The following MORN1 variants were observed in gnomAD, a reference collection of about 807,000 sequenced individuals.
MORN1 encodes the protein MORN repeat containing 1, also known as MORN repeat-containing protein 1.
MORN1 carries 67 observed loss-of-function variants against 61.9 expected under a neutral mutation model. The observed-to-expected ratio is 1.08, with a 90% confidence interval of 0.89 to 1.33. MORN1 has a LOEUF of 1.33. MORN1 is among the 40% of genes most tolerant of loss of function. The probability of loss-of-function intolerance (pLI) is 0.00; values close to 1 mark genes in which losing one functional copy is unlikely to be tolerated. For synonymous variants in MORN1, 301 were observed against 292.0 expected (o/e 1.03, Z -0.31); for missense variants, 752 against 691.2 (o/e 1.09, Z -0.99).
chr1:2,323,965 C>T lies in MORN1; in HGVS notation c.1297+132G>A, dbSNP rs1457537812. ...GGGAGGGCCTGGCTGCTCCCCAGTC[C>T]CCCACCCACTGCCACCTACCTCTGG... On this transcript the variant is annotated intron_variant, in intron 13 of 13. Transcript: ENST00000378531. The T allele has an allele frequency of 6.9e-6, 10 of 1,454,146 alleles. No homozygotes were observed. In the South Asian group the frequency reaches 8.4e-5, roughly 12 times the overall value. The allele number at this position is 1,454,146 out of a possible 1,614,324, so 90.1% of individuals were successfully genotyped here. A position where few individuals can be genotyped will look rare whatever the true frequency, so the allele number is the denominator to read the frequency against.
intron 13 of MORN1, among the ~76,000 whole-genome samples, 164 bp from the exon 14 acceptor site, chr1:2,321,743 G>A (rs1250869107): frequency 2.0e-5 from 3 of 152,146 alleles, no homozygotes; most frequent in African/African-American, 7.2e-5. Context: ...CACAGGACTG[G>A]CCACCGGACC....
chr1:2,324,183 T>C lies in MORN1; in HGVS notation c.1251-40A>G, dbSNP rs199654064. On this transcript the variant is annotated intron_variant, in intron 12 of 13. Transcript: ENST00000378531. The stretch of plus-strand genomic sequence containing the variant: ...CAGTGAGGCCCCTGAATGCCCTGCC[T>C]GGGCCCCGACGACATGGCATCCCTG... 1,939 of 1,564,432 alleles carry C rather than the reference T, an allele frequency of 1.2e-3. 23 individuals carry two copies. In the African/African-American group the frequency reaches 0.023, roughly 18 times the overall value.
At chr1:2,332,543 T>C (rs1420730322) in intron 12 of MORN1, 2 of 451,952 alleles carry the variant, frequency 4.4e-6, no homozygotes, top group South Asian at 1.6e-5. Context: ...TGGGCTTCTA[T>C]GATGGGGGAA....
intron 10 of MORN1, among the ~76,000 whole-genome samples, chr1:2,346,246 G>A (rs1427063151): frequency 1.3e-5 from 2 of 152,180 alleles, no homozygotes; most frequent in East Asian, 3.8e-4. Flanking sequence ...CTTCACAGAC[G>A]CCAGGGTGCC....
chr1:2,321,674 C>T, intron 13 of MORN1, 95 bp from the exon 14 acceptor site: 11 of 1,376,698 alleles, frequency 8.0e-6, no homozygotes, highest in East Asian at 2.9e-5. Flanking sequence ...GCCCGCTGGC[C>T]CCTGTGCCCC....
Position 2,372,194 on chromosome 1 carries a change from AT to A in MORN1, c.745+286del. ...CGCGTGCCCCCCCACACGTATACAC[AT>A]TCAGACCTGTGCACACCTGTGCAAG... On this transcript the variant is annotated intron_variant, in intron 8 of 13. Transcript: ENST00000378531. This position sits in a 1 kb window ranked among gnomAD's most constrained non-coding sequence, Gnocchi z 5.4. 1 of 358,918 alleles carries A rather than the reference AT, an allele frequency of 2.8e-6. No individual in the cohort carries two copies. The highest frequency in any genetic ancestry group is 5.3e-6 in the Non-Finnish European group (1 of 190,306). The allele number at this position is 358,918 out of a possible 1,614,324, so 22.2% of individuals were successfully genotyped here.
chr1:2,327,641 C>T lies in MORN1; in HGVS notation c.1251-3498G>A, dbSNP rs1442025090. Among the ~76,000 whole-genome samples the T allele has an allele frequency of 1.1e-4, 16 of 152,236 alleles. 1 individual carries two copies. The highest frequency in any genetic ancestry group is 9.2e-4 in the Admixed American group (14 of 15,278). On this transcript the variant is annotated intron_variant, in intron 12 of 13. Transcript: ENST00000378531. ...AGGCTGTGGACGGCTGCGAGTGGCC[C>T]GTGCGGCTTTTAGAAGCACAGACAG...
chr1:2,337,068 C>T lies in MORN1; in HGVS notation c.1037-218G>A, dbSNP rs1262730567. 4.6e-5 allele frequency among the ~76,000 whole-genome samples: 7 copies of T among 151,972 alleles called. No individual in the cohort carries two copies. Among genetic ancestry groups the T allele is most frequent in the South Asian group, 2.1e-4 (1 of 4,822 alleles). On this transcript the variant is annotated intron_variant, in intron 10 of 13. Transcript: ENST00000378531. The surrounding 1 kb of genome is among the most constrained non-coding windows in gnomAD (Gnocchi z 5.7). ...GGGAGGTGGGGGTCCTCCGTGTCCA[C>T]GGCCTCTGACGCCCCCGCCCCCTTC...
At position 2,334,025 on chromosome 1, in the gene MORN1, C is replaced by T. The variant is rs1357398045; in HGVS notation, c.1250+2444G>A. The stretch of plus-strand genomic sequence containing the variant: ...GAGGGGTGCATGGGAGACCCCAGAG[C>T]TTCTTCCTCACCGCAGAGCAGACAG... On this transcript the variant is annotated intron_variant, in intron 12 of 13. Transcript: ENST00000378531. This position sits in a 1 kb window ranked among gnomAD's most constrained non-coding sequence, Gnocchi z 5.4. 6.6e-6 allele frequency among the ~76,000 whole-genome samples: 1 copy of T among 152,206 alleles called. No homozygotes were observed. Among genetic ancestry groups the T allele is most frequent in the African/African-American group, 2.4e-5 (1 of 41,456 alleles).
At chr1:2,340,320 C>T (rs1209872526) in intron 10 of MORN1, among the ~76,000 whole-genome samples, 1 of 152,206 alleles carries the variant, frequency 6.6e-6, no homozygotes, top group African/African-American at 2.4e-5. Context: ...CAGCAGCCCC[C>T]TCATGCTGTG....
chr1:2,369,758 A>T (rs1346640312), intron 8 of MORN1, among the ~76,000 whole-genome samples: 2 of 152,166 alleles, frequency 1.3e-5, no homozygotes, highest in African/African-American at 4.8e-5. Flanking sequence ...AAATAACATT[A>T]TTATGTATTA....
intron 12 of MORN1, among the ~76,000 whole-genome samples, chr1:2,325,490 A>G (rs1641007373): frequency 6.6e-6 from 1 of 151,278 alleles, no homozygotes; most frequent in Non-Finnish European, 1.5e-5. Context: ...ATGGGACCAC[A>G]GGAGTGTGCC....
intron 10 of MORN1, among the ~76,000 whole-genome samples, chr1:2,346,030 CAG>C (rs1641509222): frequency 6.6e-6 from 1 of 151,728 alleles, no homozygotes; most frequent in African/African-American, 2.4e-5. Context: ...GAACCTTCCT[CAG>C]ACAAAGCCAC....
chr1:2,388,125 C>A (rs375752038), intron 3 of MORN1, 114 bp downstream of exon 3: 2 of 815,606 alleles, frequency 2.5e-6, no homozygotes, highest in East Asian at 2.5e-5. Context: ...AGGCCTCTCA[C>A]GGCACAAAGC....
intron 10 of MORN1, among the ~76,000 whole-genome samples, chr1:2,338,060 C>T (rs1484251082): frequency 6.6e-6 from 1 of 152,030 alleles, no homozygotes; most frequent in Non-Finnish European, 1.5e-5. Flanking sequence ...TCACATGGGG[C>T]CCCGGGGCAG....
intron 10 of MORN1, among the ~76,000 whole-genome samples, chr1:2,356,318 C>A (rs1641768274): frequency 6.6e-6 from 1 of 152,146 alleles, no homozygotes; most frequent in Non-Finnish European, 1.5e-5. Context: ...TGGGGATGAC[C>A]AGGGACGTCT....
chr1:2,382,714 G>A (rs371553380), intron 6 of MORN1, among the ~76,000 whole-genome samples: 9 of 152,268 alleles, frequency 5.9e-5, no homozygotes, highest in African/African-American at 2.2e-4. Context: ...AAGTCCCCAG[G>A]GGAGAAGAGG....
chr1:2,339,497 G>T (rs1485255742), intron 10 of MORN1, among the ~76,000 whole-genome samples: 2 of 152,160 alleles, frequency 1.3e-5, no homozygotes, highest in Non-Finnish European at 2.9e-5. Context: ...TGAAAGTTGG[G>T]GGTCAGCCTC....
intron 8 of MORN1, among the ~76,000 whole-genome samples, chr1:2,362,476 G>T (rs1641909859): frequency 1.3e-5 from 2 of 151,716 alleles, no homozygotes; most frequent in Admixed American, 1.3e-4. Context: ...ACCATCGAGG[G>T]AAAAAAAGAG....
Sources: allele counts gnomAD v4.1 joint callset (sites outside exome capture counted in the v4.1 genomes callset), GRCh38; gene constraint gnomAD v4.1.1; non-coding constraint Gnocchi (gnomAD v3.1); transcripts MANE v1.5; gene names NCBI Gene and HGNC (gene_info 2026-07-23, HGNC 2026-07-21).